ZNF248: variants seen among roughly 807,000 people sequenced by gnomAD.
The protein encoded by ZNF248 is KRAB protein domain.
A neutral mutation model predicts 44.3 loss-of-function variants in ZNF248; 20 were observed. The observed-to-expected ratio is 0.45, with a 90% CI of 0.32 to 0.66. The LOEUF (loss-of-function observed/expected upper bound fraction) is 0.66, where lower values mean the gene tolerates loss of function less well. ZNF248 is among the 30% of genes least tolerant of loss of function. The probability of loss-of-function intolerance (pLI) is 0.04; values close to 1 mark genes in which losing one functional copy is unlikely to be tolerated. For missense variants in ZNF248, 654 were observed against 677.0 expected, an observed-to-expected ratio of 0.97 and a Z score of 0.38; for synonymous variants, 224 against 229.0, an observed-to-expected ratio of 0.98 and a Z score of 0.20.
At chr10:37,837,828 T>C (rs1461448292) in intron 4 of ZNF248, 116 bp from the exon 5 acceptor site, 2 of 1,354,346 alleles carry the variant, frequency 1.5e-6, no homozygotes, top group African/African-American at 1.5e-5. Context: ...TGTGCACAAA[T>C]GAACCAATCT....
chr10:37,830,358 C>G lies in ZNF248; in HGVS notation c.*1257G>C. 1 of 985,242 alleles carries G rather than the reference C, an allele frequency of 1.0e-6. No individual in the cohort carries two copies. The highest frequency in any genetic ancestry group is 1.2e-6 in the Non-Finnish European group (1 of 829,900). 61.0% of individuals were successfully genotyped at this position (985,242 alleles called of 1,614,324 possible). ...TCATGCATATATGCCAGGAAACAGT[C>G]AGAGGAAAGGTACGTGATATAGTTC... On this transcript the variant is annotated 3_prime_UTR_variant, in exon 6 of 6. Transcript: ENST00000395867.
At chr10:37,772,724 T>C (rs1219767900), downstream of ZNF248, among the ~76,000 whole-genome samples, 1 of 152,192 alleles carries the variant, frequency 6.6e-6, no homozygotes, top group East Asian at 1.9e-4. Flanking sequence ...TGCTCCCTGT[T>C]GATAACCTGA....
At chr10:37,816,634 GCTT>G (rs1180171412) in intron 6 of ZNF248, among the ~76,000 whole-genome samples, 2 of 152,278 alleles carry the variant, frequency 1.3e-5, no homozygotes, top group East Asian at 3.9e-4. Context: ...GCTGTCAGCT[GCTT>G]CTTGTTTTTC....
intron 3 of ZNF248, among the ~76,000 whole-genome samples, chr10:37,838,861 A>G (rs1406716415): frequency 6.6e-6 from 1 of 152,214 alleles, no homozygotes; most frequent in Non-Finnish European, 1.5e-5. Context: ...TATTAACAAA[A>G]TAAATGAGAA....
intron 6 of ZNF248, chr10:37,794,373 CTT>C (rs1288283851): frequency 6.4e-6 from 1 of 156,340 alleles, no homozygotes; most frequent in Non-Finnish European, 1.4e-5. Context: ...TTCATTGAGA[CTT>C]GATTTGTGAG....
intron 3 of ZNF248, among the ~76,000 whole-genome samples, chr10:37,852,608 T>C (rs2060472741): frequency 6.6e-6 from 1 of 151,606 alleles, no homozygotes; most frequent in African/African-American, 2.4e-5. Flanking sequence ...CACTCCAGCC[T>C]GGGTGACAGA....
rs546975319 is a variant in ZNF248 at position 37,808,000 on chromosome 10, C to T, written c.330+25025G>A. 1.4e-4 allele frequency among the ~76,000 whole-genome samples: 21 copies of T among 152,162 alleles called. No individual in the cohort carries two copies. The East Asian group carries it at 2.9e-3, about 21-fold the overall frequency. On this transcript the variant is annotated intron_variant, in intron 6 of 6. Transcript: ENST00000615949. ...TAATATATGGTTTTTATTACATTGA[C>T]GTAGTTTCCTTCTATTTCTTACACA...
At chr10:37,836,727 C>T (rs930589180) in intron 5 of ZNF248, among the ~76,000 whole-genome samples, 1 of 151,852 alleles carries the variant, frequency 6.6e-6, no homozygotes. Flanking sequence ...TATACACACA[C>T]ATATGCACAT....
chr10:37,815,002 C>T (rs1464987647), intron 6 of ZNF248, among the ~76,000 whole-genome samples: 3 of 152,112 alleles, frequency 2.0e-5, no homozygotes, highest in Admixed American at 1.3e-4. Context: ...TCTGGCACTC[C>T]GAACAATGCA....
chr10:37,814,723 C>A (rs768213362), intron 6 of ZNF248, among the ~76,000 whole-genome samples: 2 of 152,170 alleles, frequency 1.3e-5, no homozygotes, highest in East Asian at 1.9e-4. Flanking sequence ...GCCTTCTGGC[C>A]TCCAAGATCT....
intron 3 of ZNF248, among the ~76,000 whole-genome samples, chr10:37,845,009 C>CCTTCCCTCCT (rs1183440935): frequency 1.9e-4 from 8 of 41,626 alleles, no homozygotes; most frequent in Non-Finnish European, 4.0e-4. Context: ...CCCTCCTTCT[C>CCTTCCCTCCT]TCTCTTTCTT....
In ZNF248 at chr10:37,831,820, C is replaced by A. The variant is rs1214591840; in HGVS notation, c.1535G>T (p.Arg512Ile). Residue 512 changes from arginine to isoleucine, a missense_variant, in exon 6 of 6, where the codon AGA becomes ATA. Coordinates refer to ENST00000395867, the MANE Select transcript of ZNF248 (RefSeq NM_021045.3). ...CVKSNLIVHQ[R>I]THTGEKPYKC... is the part of the protein sequence containing the mutation. ...ATATGGTTTCTCCCCAGTGTGAGTTCTTTGATGTACAATGAGGTTTGACTT... is the reference window on the plus strand; with the variant it reads ...ATATGGTTTCTCCCCAGTGTGAGTTATTTGATGTACAATGAGGTTTGACTT... 5 of 1,613,450 alleles carry A rather than the reference C, an allele frequency of 3.1e-6. No homozygotes were observed. The highest frequency in any genetic ancestry group is 2.2e-5 in the East Asian group (1 of 44,868).
intron 3 of ZNF248, among the ~76,000 whole-genome samples, chr10:37,853,687 T>A (rs1305217945): frequency 6.6e-6 from 1 of 152,068 alleles, no homozygotes; most frequent in Non-Finnish European, 1.5e-5. Flanking sequence ...GCCACCGGAA[T>A]GGTATTTTTA....
downstream of ZNF248, among the ~76,000 whole-genome samples, chr10:37,772,162 G>A (rs190666956): frequency 8.8e-4 from 134 of 152,114 alleles, 1 homozygote; most frequent in African/African-American, 3.2e-3. Context: ...CTACTCAGGA[G>A]ACTGAGGCAG....
At chr10:37,764,587 C>T in the ZNF248 span, among the ~76,000 whole-genome samples, 1,107 of 152,172 alleles carry the variant, frequency 7.3e-3, 6 homozygotes, top group Middle Eastern at 0.014. Flanking sequence ...CAGAAGCTGC[C>T]GACATGTGAT....
intron 6 of ZNF248, among the ~76,000 whole-genome samples, chr10:37,810,038 A>G (rs2051244703): frequency 6.6e-6 from 1 of 152,218 alleles, no homozygotes; most frequent in African/African-American, 2.4e-5. Flanking sequence ...AGTGTTGTGT[A>G]CTACTTGATC....
At chr10:37,844,346 C>T (rs1200432265) in intron 3 of ZNF248, among the ~76,000 whole-genome samples, 2 of 152,254 alleles carry the variant, frequency 1.3e-5, no homozygotes, top group African/African-American at 4.8e-5. Flanking sequence ...CCCTGCCCTA[C>T]AGAAAATACT....
At chr10:37,781,038 G>C (rs140909747) in intron 6 of ZNF248, among the ~76,000 whole-genome samples, 5 of 152,298 alleles carry the variant, frequency 3.3e-5, no homozygotes, top group African/African-American at 4.8e-5. Context: ...TGGTTAATTC[G>C]ACCCTTGTAA....
At chr10:37,811,571 G>A (rs1361326566) in intron 6 of ZNF248, among the ~76,000 whole-genome samples, 6 of 151,232 alleles carry the variant, frequency 4.0e-5, no homozygotes, top group Admixed American at 3.3e-4. Flanking sequence ...GCAGTGGCTC[G>A]TGCCTGTAAT....
Sources: allele counts gnomAD v4.1 joint callset (sites outside exome capture counted in the v4.1 genomes callset), GRCh38; gene constraint gnomAD v4.1.1; transcripts MANE v1.5; gene names NCBI Gene and HGNC (gene_info 2026-07-23, HGNC 2026-07-21).